The following RSRC1 variants were observed in gnomAD, a reference collection of about 807,000 sequenced individuals.
RSRC1 encodes arginine and serine rich coiled-coil 1.
A neutral mutation model predicts 49.1 loss-of-function variants in RSRC1; 39 were observed. That is an observed-to-expected ratio of 0.79 (90% confidence interval 0.61 to 1.04). The LOEUF (loss-of-function observed/expected upper bound fraction) is 1.04. Ranked by LOEUF, RSRC1 falls within the 50% of genes least tolerant of loss-of-function variation. RSRC1 has a pLI of 0.00. For missense variants in RSRC1, 388 were observed against 402.4 expected, an observed-to-expected ratio of 0.96 and a Z score of 0.31; for synonymous variants, 143 against 130.8, an observed-to-expected ratio of 1.09 and a Z score of -0.63.
intron 5 of RSRC1, among the ~76,000 whole-genome samples, chr3:158,322,476 C>T (rs962330467): frequency 2.6e-5 from 4 of 152,132 alleles, no homozygotes; most frequent in African/African-American, 4.8e-5. Context: ...AACCATTTAT[C>T]TTTTACTTGT....
chr3:158,467,223 T>G (rs900173424), intron 7 of RSRC1, among the ~76,000 whole-genome samples: 1 of 152,220 alleles, frequency 6.6e-6, no homozygotes, highest in African/African-American at 2.4e-5. Flanking sequence ...GATACTGCTC[T>G]AAGCTGTATG....
At chr3:158,391,204 A>AT (rs1484131978) in intron 6 of RSRC1, among the ~76,000 whole-genome samples, 2 of 151,798 alleles carry the variant, frequency 1.3e-5, no homozygotes, top group African/African-American at 2.4e-5. Flanking sequence ...ATTTTTGGTT[A>AT]TTTTTTTCTT....
chr3:158,256,311 G>C (rs763689036), intron 4 of RSRC1, among the ~76,000 whole-genome samples: 1 of 152,116 alleles, frequency 6.6e-6, no homozygotes, highest in Non-Finnish European at 1.5e-5. Flanking sequence ...AGCACCTCTC[G>C]AGATAATAAT....
intron 6 of RSRC1, among the ~76,000 whole-genome samples, chr3:158,389,579 C>G (rs1033884426): frequency 2.5e-4 from 38 of 152,266 alleles, no homozygotes; most frequent in African/African-American, 8.7e-4. Context: ...AAATTATCTT[C>G]TGAAGTGGTA....
At chr3:158,382,721 T>C (rs1400999281) in intron 6 of RSRC1, among the ~76,000 whole-genome samples, 1 of 152,190 alleles carries the variant, frequency 6.6e-6, no homozygotes, top group Non-Finnish European at 1.5e-5. Flanking sequence ...TCTGAGGAGC[T>C]GAAGACTAAG....
At chr3:158,332,299 G>A (rs1729591924) in intron 5 of RSRC1, among the ~76,000 whole-genome samples, 1 of 152,112 alleles carries the variant, frequency 6.6e-6, no homozygotes, top group South Asian at 2.1e-4. Context: ...GTGGTTTTGT[G>A]ATTATACTAA....
intron 3 of RSRC1, among the ~76,000 whole-genome samples, chr3:158,179,622 C>G (rs764922860): frequency 1.3e-5 from 2 of 152,008 alleles, no homozygotes; most frequent in Non-Finnish European, 1.5e-5. Context: ...ATGGTTGTAC[C>G]TCAGTTTGTT....
At chr3:158,444,042 G>A (rs1054853924) in intron 6 of RSRC1, among the ~76,000 whole-genome samples, 7 of 152,134 alleles carry the variant, frequency 4.6e-5, no homozygotes, top group African/African-American at 1.4e-4. Flanking sequence ...CACAGCAGTA[G>A]CATCAAAAAT....
At chr3:158,493,380 A>G (rs1415473516) in intron 7 of RSRC1, among the ~76,000 whole-genome samples, 4 of 152,162 alleles carry the variant, frequency 2.6e-5, no homozygotes, top group Admixed American at 6.5e-5. Flanking sequence ...GAGAAGGGAA[A>G]GGGGAGACTG....
At chr3:158,413,996 A>G (rs1311184411) in intron 6 of RSRC1, among the ~76,000 whole-genome samples, 3 of 152,166 alleles carry the variant, frequency 2.0e-5, no homozygotes, top group Non-Finnish European at 4.4e-5. Flanking sequence ...ATTATACTCA[A>G]AGGAATTACT....
chr3:158,139,796 G>A (rs1453266543), intron 3 of RSRC1, among the ~76,000 whole-genome samples: 1 of 152,056 alleles, frequency 6.6e-6, no homozygotes, highest in East Asian at 1.9e-4. Flanking sequence ...ACCACGCCCA[G>A]CTAATTTCTG....
At chr3:158,297,559 C>A (rs895420201) in intron 4 of RSRC1, among the ~76,000 whole-genome samples, 8 of 151,868 alleles carry the variant, frequency 5.3e-5, no homozygotes, top group African/African-American at 1.9e-4. Flanking sequence ...CTAATGTATT[C>A]TTTATGTGTA....
chr3:158,248,069 A>G (rs2108007585), intron 4 of RSRC1, among the ~76,000 whole-genome samples: 1 of 152,276 alleles, frequency 6.6e-6, no homozygotes, highest in Non-Finnish European at 1.5e-5. Flanking sequence ...CCTCTTCGAG[A>G]GTGCTTAGGA....
chr3:158,537,460 A>G (rs1271969782), intron 8 of RSRC1, among the ~76,000 whole-genome samples: 2 of 151,664 alleles, frequency 1.3e-5, no homozygotes, highest in African/African-American at 4.8e-5. Flanking sequence ...TAATATGTCA[A>G]CAAGATAGTT....
intron 4 of RSRC1, among the ~76,000 whole-genome samples, chr3:158,223,933 CT>C (rs1209181950): frequency 6.6e-6 from 1 of 151,588 alleles, no homozygotes; most frequent in Admixed American, 6.6e-5. Context: ...TTAAAGAGAC[CT>C]TTCCTGAACA....
chr3:158,381,202 TGAGA>T (rs1412426783), intron 6 of RSRC1, among the ~76,000 whole-genome samples: 3 of 152,186 alleles, frequency 2.0e-5, no homozygotes, highest in Non-Finnish European at 4.4e-5. Context: ...CATTTGCATA[TGAGA>T]GAAAGGGAAA....
intron 6 of RSRC1, among the ~76,000 whole-genome samples, chr3:158,393,292 G>C (rs1733421560): frequency 6.6e-6 from 1 of 151,892 alleles, no homozygotes; most frequent in African/African-American, 2.4e-5. Context: ...CCGAAAGCTA[G>C]TAGAAGACAA....
At chr3:158,256,111 G>A (rs11720681) in intron 4 of RSRC1, among the ~76,000 whole-genome samples, 5,018 of 152,204 alleles carry the variant, frequency 0.033, 98 homozygotes, top group Non-Finnish European at 0.048. Context: ...GAATCCGAGT[G>A]GTGAGAGAGG....
At chr3:158,430,736 C>T (rs1735734506) in intron 6 of RSRC1, among the ~76,000 whole-genome samples, 1 of 151,926 alleles carries the variant, frequency 6.6e-6, no homozygotes, top group African/African-American at 2.4e-5. Flanking sequence ...ATATTGAGAT[C>T]ATGTTTCATT....
Sources: gnomAD v4.1 joint callset for allele counts (sites outside exome capture counted in the v4.1 genomes callset) on GRCh38, gnomAD v4.1.1 for gene constraint, MANE v1.5 for transcripts, NCBI Gene and HGNC (gene_info 2026-07-23, HGNC 2026-07-21) for gene names.